FHOD3: variants seen among roughly 807,000 people sequenced by gnomAD.
FHOD3 encodes formin homology 2 domain containing 3, also known as FH1/FH2 domain-containing protein 3.
In FHOD3, 90 loss-of-function variants were observed where a neutral mutation model predicts 173.0. The observed-to-expected ratio is 0.52, with a 90% CI of 0.44 to 0.62. FHOD3 has a LOEUF of 0.62. Ranked by LOEUF, FHOD3 falls within the 20% of genes least tolerant of loss-of-function variation. The pLI is 0.00. For missense variants in FHOD3, 1,945 were observed against 2,034.7 expected (o/e 0.96, Z 0.85); for synonymous variants, 828 against 823.0 (o/e 1.01, Z -0.10).
At chr18:36,714,519 A>G (rs906143188) in intron 18 of FHOD3, among the ~76,000 whole-genome samples, 1 of 152,222 alleles carries the variant, frequency 6.6e-6, no homozygotes, top group African/African-American at 2.4e-5. Context: ...TCTGGGCGAC[A>G]CAGTGAGACT....
chr18:36,510,497 C>T (rs923556397), intron 4 of FHOD3, among the ~76,000 whole-genome samples: 1 of 152,102 alleles, frequency 6.6e-6, no homozygotes, highest in Non-Finnish European at 1.5e-5. Flanking sequence ...GTGCCTTTGC[C>T]AGACAGTCAA....
chr18:36,655,353 G>A (rs768531404), intron 13 of FHOD3, among the ~76,000 whole-genome samples: 1 of 152,008 alleles, frequency 6.6e-6, no homozygotes, highest in Admixed American at 6.6e-5. Context: ...TGATGGTCTC[G>A]GCCCTAGTTG....
chr18:36,711,994 G>A (rs1374669092), intron 18 of FHOD3, among the ~76,000 whole-genome samples: 1 of 152,198 alleles, frequency 6.6e-6, no homozygotes, highest in East Asian at 1.9e-4. Context: ...ATGCCAGTGA[G>A]GCCAAGGGAG....
chr18:36,423,931 A>C (rs935223018), intron 3 of FHOD3, among the ~76,000 whole-genome samples: 6 of 152,176 alleles, frequency 3.9e-5, no homozygotes, highest in African/African-American at 7.2e-5. Context: ...TTTCAACATG[A>C]TTGACATATT....
chr18:36,452,554 C>T lies in FHOD3; in HGVS notation c.338-49378C>T, dbSNP rs180887643. Among the ~76,000 whole-genome samples the T allele has an allele frequency of 7.9e-5, 12 of 152,222 alleles. No individual in the cohort carries two copies. In the East Asian group the frequency reaches 2.1e-3, roughly 27 times the overall value. The stretch of plus-strand genomic sequence containing the variant: ...CAGCAGATCTTTAGAACCTATTCAT[C>T]CTGCACACCTGAAACTTTTATGTCA... On this transcript the variant is annotated intron_variant, in intron 3 of 28. Coordinates refer to ENST00000590592, the MANE Select transcript of FHOD3 (RefSeq NM_001281740.3).
intron 5 of FHOD3, among the ~76,000 whole-genome samples, chr18:36,541,185 A>C (rs532251940): frequency 8.3e-4 from 113 of 135,686 alleles, no homozygotes; most frequent in African/African-American, 3.0e-3. Context: ...CGGGAGGTGG[A>C]GGTTGCAGTG....
At chr18:36,527,681 GC>G (rs1328543327) in intron 5 of FHOD3, among the ~76,000 whole-genome samples, 1 of 152,168 alleles carries the variant, frequency 6.6e-6, no homozygotes, top group Non-Finnish European at 1.5e-5. Context: ...ATGTAGGCTG[GC>G]CATGGGGAGG....
chr18:36,672,288 A>C (rs772980283), intron 14 of FHOD3, among the ~76,000 whole-genome samples: 14 of 152,112 alleles, frequency 9.2e-5, no homozygotes, highest in Non-Finnish European at 1.9e-4. Flanking sequence ...AACCACCAAA[A>C]CATGGTGGTT....
chr18:36,423,620 G>A (rs999151099), intron 3 of FHOD3, among the ~76,000 whole-genome samples: 1 of 152,154 alleles, frequency 6.6e-6, no homozygotes, highest in South Asian at 2.1e-4. Flanking sequence ...CCATAGAGGG[G>A]CTGTGTGCAG....
intron 3 of FHOD3, among the ~76,000 whole-genome samples, chr18:36,445,438 T>C (rs1235949591): frequency 6.6e-6 from 1 of 152,186 alleles, no homozygotes; most frequent in Non-Finnish European, 1.5e-5. Context: ...TTAACCTCCC[T>C]GAAAAATAAG....
chr18:36,393,605 C>T (rs2048408616), intron 3 of FHOD3, among the ~76,000 whole-genome samples: 2 of 152,150 alleles, frequency 1.3e-5, no homozygotes, highest in African/African-American at 4.8e-5. Flanking sequence ...CCCACCAATT[C>T]AGGGTATTGG....
At chr18:36,558,268 T>C (rs1433525201) in intron 5 of FHOD3, among the ~76,000 whole-genome samples, 1 of 152,170 alleles carries the variant, frequency 6.6e-6, no homozygotes, top group Non-Finnish European at 1.5e-5. Flanking sequence ...TCCCCTTCCC[T>C]GTGTGATGCT....
intron 8 of FHOD3, among the ~76,000 whole-genome samples, chr18:36,604,947 T>C (rs1423572965): frequency 2.0e-5 from 3 of 152,088 alleles, no homozygotes; most frequent in African/African-American, 7.2e-5. Context: ...AAGAAATACA[T>C]ATGAAAACAA....
At chr18:36,551,353 T>C (rs939006198) in intron 5 of FHOD3, among the ~76,000 whole-genome samples, 5 of 152,156 alleles carry the variant, frequency 3.3e-5, no homozygotes, top group African/African-American at 1.2e-4. Context: ...ATATCTTTGA[T>C]TTTGTTGTGG....
chr18:36,558,870 G>A (rs193282527), intron 5 of FHOD3, among the ~76,000 whole-genome samples: 1 of 152,214 alleles, frequency 6.6e-6, no homozygotes, highest in East Asian at 1.9e-4. Context: ...AAGAGAACGG[G>A]CTGCCTTCAT....
intron 5 of FHOD3, among the ~76,000 whole-genome samples, chr18:36,536,083 G>C (rs773851103): frequency 2.6e-5 from 4 of 152,146 alleles, no homozygotes; most frequent in African/African-American, 4.8e-5. Flanking sequence ...AGTGTTTTCT[G>C]TCATCAAATT....
chr18:36,338,779 G>A (rs935884743), intron 1 of FHOD3, among the ~76,000 whole-genome samples: 9 of 152,240 alleles, frequency 5.9e-5, no homozygotes, highest in Admixed American at 2.6e-4. Flanking sequence ...CTGGGCCTTC[G>A]TATCACAGAT....
At chr18:36,763,113 TATA>T (rs553428722) in intron 27 of FHOD3, among the ~76,000 whole-genome samples, 287 of 137,106 alleles carry the variant, frequency 2.1e-3, no homozygotes, top group African/African-American at 7.0e-3. Context: ...ACACGTTATA[TATA>T]ATATGTGTAT....
At chr18:36,657,112 C>A (rs2036478844) in intron 13 of FHOD3, among the ~76,000 whole-genome samples, 1 of 152,200 alleles carries the variant, frequency 6.6e-6, no homozygotes, top group Non-Finnish European at 1.5e-5. Flanking sequence ...GGCGTTTGGA[C>A]TGGATTCTCC....
Sources: gnomAD v4.1 joint callset for allele counts (sites outside exome capture counted in the v4.1 genomes callset) on GRCh38, gnomAD v4.1.1 for gene constraint, MANE v1.5 for transcripts, NCBI Gene and HGNC (gene_info 2026-07-23, HGNC 2026-07-21) for gene names.